The following ZFYVE16 variants were observed in gnomAD, a reference collection of about 807,000 sequenced individuals.
ZFYVE16 encodes zinc finger FYVE-type containing 16, also known as zinc finger FYVE domain-containing protein 16.
Under a neutral mutation model 138.1 loss-of-function variants are expected in ZFYVE16, and 89 were observed. That is an observed-to-expected ratio of 0.64 (90% CI 0.54 to 0.77). The LOEUF (loss-of-function observed/expected upper bound fraction) is 0.77, where lower values mean the gene tolerates loss of function less well. ZFYVE16 is among the 30% of genes least tolerant of loss of function. The pLI is 0.00. For synonymous variants in ZFYVE16, 596 were observed against 618.3 expected (o/e 0.96, Z 0.53); for missense variants, 1,793 against 1,786.7 (o/e 1.00, Z -0.06).
chr5:80,431,852 AAATACC>A (rs1334118873), intron 2 of ZFYVE16, among the ~76,000 whole-genome samples: 2 of 152,222 alleles, frequency 1.3e-5, no homozygotes, highest in African/African-American at 4.8e-5. Context: ...AAAGAGAATA[AAATACC>A]TAGGAATCCA....
At chr5:80,440,766 C>G (rs1008416738) in intron 5 of ZFYVE16, 6 of 983,082 alleles carry the variant, frequency 6.1e-6, no homozygotes, top group Non-Finnish European at 6.0e-6. Context: ...TTCAAAGATT[C>G]GTTGACAGTT....
intron 11 of ZFYVE16, among the ~76,000 whole-genome samples, chr5:80,453,745 T>C (rs1752224001): frequency 6.6e-6 from 1 of 152,214 alleles, no homozygotes; most frequent in African/African-American, 2.4e-5. Flanking sequence ...AGAGGTAATG[T>C]ACATTTGAAA....
chr5:80,433,050 C>G (rs1749318770), intron 2 of ZFYVE16, among the ~76,000 whole-genome samples: 6 of 152,160 alleles, frequency 3.9e-5, no homozygotes, highest in Admixed American at 3.9e-4. Context: ...GGATCTAGAA[C>G]TAGAAATACC....
intron 1 of ZFYVE16, among the ~76,000 whole-genome samples, chr5:80,411,419 C>A (rs1186060090): frequency 6.6e-6 from 1 of 151,998 alleles, no homozygotes; most frequent in Non-Finnish European, 1.5e-5. Context: ...TTTTACTATG[C>A]ATTTGTTAAT....
At chr5:80,420,848 C>T (rs2112214668) in intron 1 of ZFYVE16, among the ~76,000 whole-genome samples, 1 of 152,304 alleles carries the variant, frequency 6.6e-6, no homozygotes, top group Admixed American at 6.5e-5. Context: ...ATTTCTAGTT[C>T]TAGATCCCTA....
intron 6 of ZFYVE16, chr5:80,443,654 C>T (rs1750974008): frequency 2.2e-6 from 1 of 449,458 alleles, no homozygotes; most frequent in Non-Finnish European, 4.5e-6. Context: ...TAAAGTAGAC[C>T]TCCAGATTTG....
intron 1 of ZFYVE16, among the ~76,000 whole-genome samples, chr5:80,412,266 A>G (rs1221785745): frequency 6.6e-6 from 1 of 152,238 alleles, no homozygotes; most frequent in Non-Finnish European, 1.5e-5. Flanking sequence ...GAGATTTTTA[A>G]AAACCATTTT....
intron 1 of ZFYVE16, among the ~76,000 whole-genome samples, chr5:80,419,599 G>A (rs1017954654): frequency 1.5e-4 from 22 of 151,588 alleles, no homozygotes; most frequent in African/African-American, 4.1e-4. Context: ...GGCTGGTCTC[G>A]AACTCTTGAC....
At chr5:80,449,130 CT>C (rs561539823) in intron 8 of ZFYVE16, among the ~76,000 whole-genome samples, 93 of 145,968 alleles carry the variant, frequency 6.4e-4, no homozygotes, top group Admixed American at 5.5e-4. Flanking sequence ...TTGTCAAGAT[CT>C]TTTTTTTTTT....
intron 15 of ZFYVE16, among the ~76,000 whole-genome samples, chr5:80,471,050 G>T (rs1292924804): frequency 2.0e-5 from 3 of 152,188 alleles, no homozygotes; most frequent in Non-Finnish European, 4.4e-5. Context: ...ACATCACCAA[G>T]ATTCCTATCC....
rs1200306991 is a variant in ZFYVE16, at chr5:80,481,391, G to A, written c.*4014G>A. On this transcript the variant is annotated 3_prime_UTR_variant, in exon 19 of 19. Transcript: ENST00000505560. ...AAATCCTGGGATCATCTCACAAGCT[G>A]TGTATGTGTGAAACTAACCAGAAGC... Among the ~76,000 whole-genome samples, 1 of 152,176 alleles carries A rather than the reference G, an allele frequency of 6.6e-6. No individual in the cohort carries two copies. The highest frequency in any genetic ancestry group is 2.4e-5 in the African/African-American group (1 of 41,442).
chr5:80,422,755 G>A (rs890800366), intron 1 of ZFYVE16, among the ~76,000 whole-genome samples: 3 of 152,020 alleles, frequency 2.0e-5, no homozygotes, highest in Non-Finnish European at 4.4e-5. Context: ...GTCCAGCCTG[G>A]ATATTGTTTT....
intron 14 of ZFYVE16, among the ~76,000 whole-genome samples, chr5:80,458,418 C>T (rs1273047067): frequency 1.3e-5 from 2 of 152,100 alleles, no homozygotes; most frequent in Non-Finnish European, 2.9e-5. Flanking sequence ...AATATATATT[C>T]AAGAAACACA....
Position 80,434,146 on chromosome 5 carries a change from G to T in ZFYVE16, c.-2G>T, listed in dbSNP as rs1369067389. ...TAAATTCTGAATAAGTCTGCAGGTA[G>T]GATGGACAGTTATTTTAAAGCAGCT... On this transcript the variant is annotated 5_prime_UTR_variant, in exon 3 of 19. In the 5' UTR this introduces an upstream ATG that the reference lacks. Transcript: ENST00000505560. 6.2e-7 allele frequency: 1 copy of T among 1,612,760 alleles called. No homozygotes were observed. The highest frequency in any genetic ancestry group is 1.7e-5 in the Admixed American group (1 of 60,014).
At chr5:80,463,255 G>A (rs747482897) in intron 15 of ZFYVE16, among the ~76,000 whole-genome samples, 5 of 152,148 alleles carry the variant, frequency 3.3e-5, no homozygotes, top group Admixed American at 6.5e-5. Flanking sequence ...AGGCATTTCC[G>A]TACATCCTCT....
At chr5:80,434,241 C>T (rs368613691) in intron 3 of ZFYVE16, 24 bp downstream of exon 3, 65 of 1,609,564 alleles carry the variant, frequency 4.0e-5, no homozygotes, top group Middle Eastern at 1.7e-4. Context: ...CCATTTTTGC[C>T]GCTAATGGGA....
intron 7 of ZFYVE16, among the ~76,000 whole-genome samples, chr5:80,447,470 A>G (rs1045132569): frequency 6.6e-6 from 1 of 152,178 alleles, no homozygotes; most frequent in Admixed American, 6.5e-5. Flanking sequence ...GCTAGTAAAT[A>G]TTGAGTTCAT....
intron 3 of ZFYVE16, among the ~76,000 whole-genome samples, chr5:80,436,523 T>C (rs1749933615): frequency 6.6e-6 from 1 of 152,212 alleles, no homozygotes; most frequent in Non-Finnish European, 1.5e-5. Flanking sequence ...TTGTGACACT[T>C]ACTTTCTAGT....
chr5:80,422,973 G>A lies in ZFYVE16; in HGVS notation c.-93-4519G>A, dbSNP rs145624184. 6.2e-3 allele frequency among the ~76,000 whole-genome samples: 946 copies of A among 152,214 alleles called. 10 individuals carry two copies. Among genetic ancestry groups the A allele is most frequent in the African/African-American group, 0.021 (875 of 41,512 alleles). On this transcript the variant is annotated intron_variant, in intron 1 of 18. Transcript: ENST00000505560. ...ATACCTATGTTCATGGGCAATATTG[G>A]TCTGTAGTTTTCCTTTCTTGCAGTG... is the stretch of plus-strand genomic sequence containing the variant.
Sources: allele counts gnomAD v4.1 joint callset (sites outside exome capture counted in the v4.1 genomes callset), GRCh38; gene constraint gnomAD v4.1.1; transcripts MANE v1.5; gene names NCBI Gene and HGNC (gene_info 2026-07-23, HGNC 2026-07-21).